The following KDM4C variants were observed in gnomAD, a reference collection of about 807,000 sequenced individuals.
KDM4C encodes the protein lysine-specific demethylase 4C.
In KDM4C, 81 loss-of-function variants were observed where a neutral mutation model predicts 129.3. The observed-to-expected ratio is 0.63, with a 90% CI of 0.52 to 0.75. The LOEUF (loss-of-function observed/expected upper bound fraction) is 0.75, where lower values mean the gene tolerates loss of function less well. Among genes scored for constraint, KDM4C ranks in the 30% least tolerant of loss-of-function variants. The pLI is 0.00. For missense variants in KDM4C, 1,457 were observed against 1,304.0 expected, an observed-to-expected ratio of 1.12 and a Z score of -1.81; for synonymous variants, 573 against 456.1, an observed-to-expected ratio of 1.26 and a Z score of -3.26.
At chr9:7,108,584 G>T (rs1024051596) in intron 18 of KDM4C, among the ~76,000 whole-genome samples, 7 of 152,192 alleles carry the variant, frequency 4.6e-5, no homozygotes, top group African/African-American at 1.7e-4. Flanking sequence ...TCCCAGGCCA[G>T]TTTTATTGCA....
At chr9:7,040,369 C>CTGTGTGTGTGTG (rs527776913) in intron 15 of KDM4C, among the ~76,000 whole-genome samples, 2 of 100,310 alleles carry the variant, frequency 2.0e-5, no homozygotes, top group Admixed American at 1.0e-4. Context: ...CTACCCCACT[C>CTGTGTGTGTGTG]TGTGTGTGTG....
intron 12 of KDM4C, among the ~76,000 whole-genome samples, chr9:7,011,390 G>A (rs1314751428): frequency 1.3e-5 from 2 of 152,086 alleles, no homozygotes; most frequent in African/African-American, 2.4e-5. Context: ...TACCGTAGCA[G>A]TAGAGACACG....
At chr9:6,747,034 AAG>A (rs1243077244) in intron 1 of KDM4C, among the ~76,000 whole-genome samples, 10 of 150,580 alleles carry the variant, frequency 6.6e-5, no homozygotes, top group Non-Finnish European at 1.3e-4. Context: ...AAAAAAGAAA[AAG>A]AAAAAAATTA....
At chr9:6,932,945 A>C (rs1210302619) in intron 8 of KDM4C, among the ~76,000 whole-genome samples, 2 of 152,200 alleles carry the variant, frequency 1.3e-5, no homozygotes, top group Non-Finnish European at 2.9e-5. Flanking sequence ...TTCATGCATT[A>C]AGTTTTCCTC....
chr9:7,071,738 C>G (rs745349038), intron 17 of KDM4C, among the ~76,000 whole-genome samples: 1 of 152,082 alleles, frequency 6.6e-6, no homozygotes, highest in Non-Finnish European at 1.5e-5. Context: ...ATAAATAGAT[C>G]AAAATTTTGA....
intron 16 of KDM4C, among the ~76,000 whole-genome samples, chr9:7,047,842 G>C (rs1488479361): frequency 3.9e-5 from 6 of 152,002 alleles, no homozygotes. Context: ...AGTTCACCAT[G>C]ACTTCCTAGT....
intron 17 of KDM4C, among the ~76,000 whole-genome samples, chr9:7,088,748 A>G (rs1475203020): frequency 6.6e-6 from 1 of 152,090 alleles, no homozygotes; most frequent in Non-Finnish European, 1.5e-5. Flanking sequence ...AATATTTTCC[A>G]TGCCTCATCT....
chr9:6,942,120 G>C (rs983791217), intron 8 of KDM4C, among the ~76,000 whole-genome samples: 8 of 152,152 alleles, frequency 5.3e-5, no homozygotes, highest in Non-Finnish European at 7.4e-5. Flanking sequence ...TAATGGGTTT[G>C]ACCGCATTGT....
At chr9:7,125,031 C>T (rs1374924276) in intron 18 of KDM4C, among the ~76,000 whole-genome samples, 1 of 152,156 alleles carries the variant, frequency 6.6e-6, no homozygotes, top group Non-Finnish European at 1.5e-5. Flanking sequence ...GATCACCTGT[C>T]TTCTACATCT....
intron 11 of KDM4C, among the ~76,000 whole-genome samples, chr9:6,989,723 A>G (rs750896260): frequency 1.3e-4 from 20 of 152,172 alleles, no homozygotes; most frequent in Admixed American, 8.5e-4. Flanking sequence ...GGAACATCTT[A>G]GAGGTGACCA....
chr9:6,755,107 C>T (rs1024828440), upstream of KDM4C, among the ~76,000 whole-genome samples: 1 of 152,102 alleles, frequency 6.6e-6, no homozygotes, highest in African/African-American at 2.4e-5. Context: ...CATGGTGGCT[C>T]ACGCTTGTAA....
At position 6,771,489 on chromosome 9, in the gene KDM4C, T is replaced by G. The variant is rs150771261; in HGVS notation, c.-18+13286T>G. 5.7e-3 allele frequency among the ~76,000 whole-genome samples: 858 copies of G among 151,822 alleles called. 14 individuals are homozygous for G. Among genetic ancestry groups the G allele is most frequent in the African/African-American group, 0.02 (814 of 41,374 alleles). On this transcript the variant is annotated intron_variant, in intron 1 of 21. Coordinates refer to ENST00000381309, the MANE Select transcript of KDM4C (RefSeq NM_015061.6). ...ACCATGCCCTGCTAATTTTGTGTTT[T>G]TAGTAGAGACGGGGTTTCTCCATGT...
Position 7,011,869 on chromosome 9 carries a change from C to T in KDM4C, c.1958C>T (p.Pro653Leu), listed in dbSNP as rs879577329. Residue 653 changes from proline to leucine, a missense_variant, in exon 13 of 22, where the codon CCG (proline) becomes CTG (leucine). Coordinates refer to ENST00000381309, the MANE Select transcript of KDM4C (RefSeq NM_015061.6). The part of the protein sequence containing the change: ...PHCAICTLLM[P>L]YHKPDSSNEE... ...TGTGCCATCTGCACTCTGCTCATGC[C>T]GTACCACAAGGTAAAGGAGCCTGCT... 8 of 1,613,270 alleles carry T rather than the reference C, an allele frequency of 5.0e-6. No individual in the cohort carries two copies. The highest frequency in any genetic ancestry group is 6.8e-6 in the Non-Finnish European group (8 of 1,179,676).
chr9:6,955,411 T>C (rs541364017), intron 8 of KDM4C, among the ~76,000 whole-genome samples: 1 of 152,220 alleles, frequency 6.6e-6, no homozygotes, highest in African/African-American at 2.4e-5. Context: ...TTGTTTTTCA[T>C]GCAGTGCAGT....
At chr9:6,796,201 C>T (rs4740859) in intron 2 of KDM4C, among the ~76,000 whole-genome samples, 41,181 of 152,004 alleles carry the variant, frequency 0.27, 5,943 homozygotes, top group South Asian at 0.44. Flanking sequence ...TCCCAGCACT[C>T]TGGGAGGCCG....
chr9:7,103,952 G>C, intron 18 of KDM4C, 82 bp downstream of exon 18: 6 of 1,246,006 alleles, frequency 4.8e-6, no homozygotes, highest in Non-Finnish European at 5.7e-6. Context: ...GACATAATGT[G>C]CTTTATTCTG....
At chr9:6,743,963 T>C (rs702280) in intron 1 of KDM4C, among the ~76,000 whole-genome samples, 1 of 151,056 alleles carries the variant, frequency 6.6e-6, no homozygotes, top group African/African-American at 2.4e-5. Flanking sequence ...ACCCAGGCTG[T>C]TCTCAAACTC....
chr9:6,798,703 A>G (rs1310391938), intron 2 of KDM4C, among the ~76,000 whole-genome samples: 1 of 152,154 alleles, frequency 6.6e-6, no homozygotes, highest in Non-Finnish European at 1.5e-5. Context: ...CCCCTTTTCT[A>G]TTCCACAAAA....
intron 4 of KDM4C, among the ~76,000 whole-genome samples, chr9:6,827,228 G>A (rs894706343): frequency 2.0e-5 from 3 of 152,234 alleles, no homozygotes; most frequent in Admixed American, 1.3e-4. Context: ...GGAAAGCTCT[G>A]TGTTTTTCTC....
Sources: allele counts gnomAD v4.1 joint callset (sites outside exome capture counted in the v4.1 genomes callset), GRCh38; gene constraint gnomAD v4.1.1; transcripts MANE v1.5; gene names NCBI Gene and HGNC (gene_info 2026-07-23, HGNC 2026-07-21).